The following SLC49A3 variants were observed in gnomAD, a reference collection of about 807,000 sequenced individuals.
The protein encoded by SLC49A3 is solute carrier family 49 member A3.
A neutral mutation model predicts 43.8 loss-of-function variants in SLC49A3; 50 were observed. That is an observed-to-expected ratio of 1.14 (90% CI 0.91 to 1.45). The LOEUF (loss-of-function observed/expected upper bound fraction) is 1.45, where lower values mean the gene tolerates loss of function less well. SLC49A3 is among the 40% of genes most tolerant of loss of function. SLC49A3 has a pLI of 0.00. For synonymous variants in SLC49A3, 413 were observed against 352.0 expected, an observed-to-expected ratio of 1.17 and a Z score of -1.94; for missense variants, 906 against 774.1, an observed-to-expected ratio of 1.17 and a Z score of -2.02.
At chr4:681,093 A>G, downstream of SLC49A3, 3 of 1,602,156 alleles carry the variant, frequency 1.9e-6, no homozygotes, top group Non-Finnish European at 2.6e-6. Context: ...CGTCCTCAGC[A>G]TCAAGCGTCT....
chr4:683,175 C>T (rs1560165627), intron 8 of SLC49A3, 35 bp downstream of exon 8: 1 of 1,612,338 alleles, frequency 6.2e-7, no homozygotes, highest in Non-Finnish European at 8.5e-7. Flanking sequence ...AGGGGAGTAT[C>T]TCTGGGGTTG....
downstream of SLC49A3, among the ~76,000 whole-genome samples, chr4:679,552 G>A (rs1007200111): frequency 2.0e-5 from 3 of 152,324 alleles, no homozygotes; most frequent in South Asian, 4.1e-4. Context: ...AGGGCAGGGG[G>A]CTTCGGTCCT....
chr4:678,835 T>C, downstream of SLC49A3: 6 of 1,607,316 alleles, frequency 3.7e-6, no homozygotes, highest in Non-Finnish European at 5.1e-6. Flanking sequence ...CCATGTGGGC[T>C]GGCTCCAGGG....
In SLC49A3 at chr4:685,954, G is replaced by A; in HGVS notation, c.509-43C>T. The A allele has an allele frequency of 6.2e-7, 1 of 1,612,724 alleles. No homozygotes were observed. The highest frequency in any genetic ancestry group is 8.5e-7 in the Non-Finnish European group (1 of 1,179,510). On this transcript the variant is annotated intron_variant, in intron 3 of 9. Coordinates refer to ENST00000322224, the MANE Select transcript of SLC49A3 (RefSeq NM_032219.4). The surrounding 1 kb of genome is among the most constrained non-coding windows in gnomAD (Gnocchi z 4.3). ...CAAAGTGTCAGCTCGGCTGTGGCCTGGCTTCATCGCCAGCCCACAGGCAGA... is the reference window on the plus strand; with the variant it reads ...CAAAGTGTCAGCTCGGCTGTGGCCTAGCTTCATCGCCAGCCCACAGGCAGA...
chr4:683,531 C>G, intron 7 of SLC49A3, 78 bp downstream of exon 7: 2 of 1,520,220 alleles, frequency 1.3e-6, no homozygotes, highest in African/African-American at 1.4e-5. Context: ...CTGTTCCAGC[C>G]AAGCCGCCAA....
At chr4:678,716 C>T (rs1275846445), downstream of SLC49A3, 3 of 1,612,338 alleles carry the variant, frequency 1.9e-6, no homozygotes, top group South Asian at 1.1e-5. Flanking sequence ...AGAGCCTCAT[C>T]CAATGTCTTC....
downstream of SLC49A3, chr4:678,244 G>C: frequency 6.8e-7 from 1 of 1,477,872 alleles, no homozygotes. Flanking sequence ...TGGGAAGTAC[G>C]TGCCTCACGT....
At chr4:686,810 G>A (rs76995815) in intron 1 of SLC49A3, 120 bp from the exon 2 acceptor site, 2 of 1,297,294 alleles carry the variant, frequency 1.5e-6, no homozygotes, top group Non-Finnish European at 2.1e-6. Flanking sequence ...GGGACACAGC[G>A]AGCTGGACAC....
downstream of SLC49A3, chr4:681,790 C>T (rs1383015199): frequency 2.4e-6 from 3 of 1,235,796 alleles, no homozygotes; most frequent in African/African-American, 3.2e-5. Flanking sequence ...CCCCTCCCCG[C>T]TCCCCCTCCC....
upstream of SLC49A3, chr4:689,446 A>G: frequency 4.6e-6 from 1 of 216,058 alleles, no homozygotes; most frequent in Non-Finnish European, 9.1e-6. Context: ...TCTCAGCAGG[A>G]AAGGCGGCCT....
downstream of SLC49A3, chr4:678,041 G>T (rs368566355): frequency 9.1e-5 from 147 of 1,613,064 alleles, no homozygotes; most frequent in Non-Finnish European, 1.2e-4. Flanking sequence ...TGAGCAGGCC[G>T]CCGTGCATGC....
chr4:689,051 T>G lies in SLC49A3; in HGVS notation c.77A>C (p.Tyr26Ser). ...ALCAQRGHRT[Y>S]ARRWVFLLAI... ...GAGCAGGAACACCCAGCGGCGCGCG[T>G]AGGTGCGGTGGCCCCGCTGCGCGCA... Residue 26 changes from tyrosine to serine, a missense_variant, in exon 1 of 10, where the codon TAC becomes TCC. Coordinates refer to ENST00000322224, the MANE Select transcript of SLC49A3 (RefSeq NM_032219.4). 4.4e-6 allele frequency: 7 copies of G among 1,584,880 alleles called. No homozygotes were observed. Among genetic ancestry groups the G allele is most frequent in the Non-Finnish European group, 4.3e-6 (5 of 1,169,104 alleles).
At chr4:688,801 C>T (rs1358109133) in intron 1 of SLC49A3, 192 bp downstream of exon 1, 1 of 888,308 alleles carries the variant, frequency 1.1e-6, no homozygotes, top group East Asian at 3.4e-5. Context: ...CAGCCCTGCT[C>T]TGTGCCCTGG....
Position 684,910 on chromosome 4 carries a change from G to A in SLC49A3, c.586-54C>T, listed in dbSNP as rs147841440. 640 of 1,561,614 alleles carry A rather than the reference G, an allele frequency of 4.1e-4. 3 individuals carry two copies. In the African/African-American group the frequency reaches 7.6e-3, roughly 19 times the overall value. On this transcript the variant is annotated intron_variant, in intron 4 of 9. Transcript: ENST00000322224. ...ACCACGCAGACTGGCACCCACACAC[G>A]CCGCAGCCCTGCCTGTCCCAGGCGC...
chr4:680,269 G>C (rs536998529), downstream of SLC49A3, among the ~76,000 whole-genome samples: 2 of 152,238 alleles, frequency 1.3e-5, no homozygotes, highest in Admixed American at 1.3e-4. Context: ...CTCACCCCCA[G>C]CTCCAGGCCT....
chr4:679,921 C>G (rs764050024), downstream of SLC49A3: 1 of 1,613,710 alleles, frequency 6.2e-7, no homozygotes, highest in Non-Finnish European at 8.5e-7. Context: ...CAGGCAAGAC[C>G]AACGTCAAGG....
At position 683,157 on chromosome 4, in the gene SLC49A3, G is replaced by C. The variant is rs144361950; in HGVS notation, c.1151+53C>G. Reference sequence around the variant, plus strand: ...ATGGTGCAACCCCAGGGGTGTAGGGGTGGAGCAAGGGGAGTATCTCTGGGG... The same window carrying C: ...ATGGTGCAACCCCAGGGGTGTAGGGCTGGAGCAAGGGGAGTATCTCTGGGG... On this transcript the variant is annotated intron_variant, in intron 8 of 9. Coordinates refer to ENST00000322224, the MANE Select transcript of SLC49A3 (RefSeq NM_032219.4). The C allele has an allele frequency of 2.5e-6, 4 of 1,607,606 alleles. No individual in the cohort carries two copies. The Admixed American group carries it at 6.7e-5, about 27-fold the overall frequency.
rs747621302 is a variant in SLC49A3, at chr4:686,624, T to C, written c.202A>G (p.Ile68Val). The change falls in exon 2 of 10, where the codon ATC (isoleucine) becomes GTC (valine). Residue 68 changes from isoleucine to valine, a missense_variant. Physicochemically the swap from Ile to Val is conservative, Grantham distance 29. Transcript: ENST00000322224. ...AEDLVLSMEQINWLSLVYLVV... is the reference protein window; with the variant it reads ...AEDLVLSMEQVNWLSLVYLVV... The stretch of plus-strand genomic sequence containing the variant: ...AGGTAGACCAGTGACAGCCAGTTGA[T>C]CTGCTCCATGGACAGGACCAAGTCC... 2.5e-6 allele frequency: 4 copies of C among 1,613,348 alleles called. No homozygotes were observed. The highest frequency in any genetic ancestry group is 3.4e-6 in the Non-Finnish European group (4 of 1,179,948).
At chr4:679,139 C>G (rs773730660), downstream of SLC49A3, 3 of 1,087,092 alleles carry the variant, frequency 2.8e-6, no homozygotes, top group South Asian at 3.9e-5. Flanking sequence ...AGGGCCCGCG[C>G]CTCAGAGGCC....
Sources: gnomAD v4.1 joint callset for allele counts (sites outside exome capture counted in the v4.1 genomes callset) on GRCh38, gnomAD v4.1.1 for gene constraint, Gnocchi (gnomAD v3.1) non-coding constraint, MANE v1.5 for transcripts, NCBI Gene and HGNC (gene_info 2026-07-23, HGNC 2026-07-21) for gene names.